AFF3: variants seen among roughly 807,000 people sequenced by gnomAD.
AFF3 encodes the protein ALF transcription elongation factor 3, also known as AF4/FMR2 family member 3.
A neutral mutation model predicts 129.7 loss-of-function variants in AFF3; 32 were observed. That is an observed-to-expected ratio of 0.25 (90% CI 0.19 to 0.33). AFF3 has a LOEUF of 0.33. AFF3 is among the 10% of genes least tolerant of loss of function. The pLI is 1.00. For missense variants in AFF3, 1,373 were observed against 1,592.0 expected, an observed-to-expected ratio of 0.86 and a Z score of 2.34; for synonymous variants, 644 against 635.4, an observed-to-expected ratio of 1.01 and a Z score of -0.20.
rs112232937 is a variant in AFF3, at chr2:99,761,222, C to T, written c.922-8921G>A. Among the ~76,000 whole-genome samples the T allele has an allele frequency of 1.1e-3, 169 of 148,988 alleles. 1 individual carries two copies. Among genetic ancestry groups the T allele is most frequent in the African/African-American group, 4.1e-3 (162 of 39,686 alleles). ...TTTGTATAGGCTTATAATGCCAAGA[C>T]TCTTTATATTAAATATACTCACTTT... On this transcript the variant is annotated intron_variant, in intron 8 of 24. Transcript: ENST00000672756.
Position 100,004,232 on chromosome 2 carries a change from A to C in AFF3, c.873+2400T>G, listed in dbSNP as rs568721589. 2.0e-5 allele frequency among the ~76,000 whole-genome samples: 3 copies of C among 152,276 alleles called. No homozygotes were observed. In the South Asian group the frequency reaches 6.2e-4, roughly 32 times the overall value. ...ATTTTCTTTGGAAATTTCCCTAAAA[A>C]ACCCTTCTCTACCTCACTGGAAGTT... On this transcript the variant is annotated intron_variant, in intron 7 of 24. Coordinates refer to ENST00000672756, the MANE Select transcript of AFF3 (RefSeq NM_001386135.1).
chr2:99,700,408 C>T (rs955431247), intron 11 of AFF3, among the ~76,000 whole-genome samples: 4 of 152,190 alleles, frequency 2.6e-5, no homozygotes, highest in Admixed American at 6.5e-5. Context: ...CGTGAGCCAC[C>T]GTGCCTGGCC....
intron 7 of AFF3, among the ~76,000 whole-genome samples, chr2:99,870,635 C>A (rs1013046345): frequency 1.3e-5 from 2 of 152,214 alleles, no homozygotes; most frequent in Non-Finnish European, 2.9e-5. Context: ...GGCCAGCAGG[C>A]CCCCTGGCAG....
At chr2:99,577,163 C>T (rs1304909376) in intron 18 of AFF3, among the ~76,000 whole-genome samples, 1 of 152,162 alleles carries the variant, frequency 6.6e-6, no homozygotes, top group East Asian at 1.9e-4. Context: ...AACCCTGTGC[C>T]CTAATTAGCT....
intron 13 of AFF3, among the ~76,000 whole-genome samples, chr2:99,620,082 T>C (rs551682224): frequency 6.6e-6 from 1 of 152,162 alleles, no homozygotes; most frequent in Non-Finnish European, 1.5e-5. Context: ...AATGGGATCC[T>C]GGGTATTCCA....
At chr2:99,626,331 T>C (rs112508884) in intron 13 of AFF3, among the ~76,000 whole-genome samples, 59 of 125,714 alleles carry the variant, frequency 4.7e-4, no homozygotes, top group African/African-American at 1.4e-3. Context: ...CCTTCCTTCC[T>C]TCCCTCCTCT....
At chr2:100,006,456 G>T in intron 7 of AFF3, 176 bp downstream of exon 7, 1 of 739,968 alleles carries the variant, frequency 1.4e-6, no homozygotes, top group East Asian at 2.8e-5. Context: ...ATAAATTTGA[G>T]ATTTTAAGAA....
chr2:100,015,039 C>A (rs1682895791), intron 4 of AFF3, among the ~76,000 whole-genome samples: 1 of 149,868 alleles, frequency 6.7e-6, no homozygotes, highest in African/African-American at 2.5e-5. Flanking sequence ...CTCCTGACCT[C>A]ATGATCCGCC....
chr2:99,744,463 C>T (rs1176005689), intron 9 of AFF3, among the ~76,000 whole-genome samples: 2 of 152,188 alleles, frequency 1.3e-5, no homozygotes, highest in African/African-American at 4.8e-5. Flanking sequence ...TGTGCAACCA[C>T]TACCTCTATC....
intron 7 of AFF3, among the ~76,000 whole-genome samples, chr2:99,839,677 T>C (rs1272867873): frequency 1.3e-5 from 2 of 151,762 alleles, no homozygotes; most frequent in African/African-American, 2.4e-5. Context: ...AGTGGCGCGA[T>C]ATTGGCTCAC....
chr2:99,933,385 T>C (rs937518490), intron 7 of AFF3, among the ~76,000 whole-genome samples: 10 of 152,148 alleles, frequency 6.6e-5, no homozygotes, highest in East Asian at 5.8e-4. Flanking sequence ...GTTTGTTACA[T>C]AGGTATACGT....
intron 8 of AFF3, among the ~76,000 whole-genome samples, chr2:99,811,111 T>G (rs909545636): frequency 2.4e-4 from 36 of 152,236 alleles, no homozygotes; most frequent in African/African-American, 8.0e-4. Flanking sequence ...GGGAGGGACG[T>G]GCTTTTCTGC....
At chr2:100,009,001 T>C in intron 4 of AFF3, 69 bp from the exon 5 acceptor site, 1 of 1,571,350 alleles carries the variant, frequency 6.4e-7, no homozygotes, top group South Asian at 1.2e-5. Flanking sequence ...ATGTAACACT[T>C]GTGTGAGTGC....
intron 19 of AFF3, 116 bp from the exon 20 acceptor site, chr2:99,565,739 G>C (rs1575369612): frequency 9.0e-7 from 1 of 1,113,878 alleles, no homozygotes; most frequent in East Asian, 2.4e-5. Flanking sequence ...AAAATCCTAT[G>C]AAGCTGAGAG....
chr2:99,788,119 A>G (rs1255727428), intron 8 of AFF3, among the ~76,000 whole-genome samples: 1 of 152,244 alleles, frequency 6.6e-6, no homozygotes, highest in Non-Finnish European at 1.5e-5. Context: ...AGTATGGCAC[A>G]TACAAAATTA....
chr2:100,005,712 CGGTGATATGT>C (rs1272172820), intron 7 of AFF3, among the ~76,000 whole-genome samples: 7 of 152,170 alleles, frequency 4.6e-5, no homozygotes, highest in African/African-American at 1.7e-4. Context: ...CTTTTCTAAA[CGGTGATATGT>C]TGATATCCCT....
At chr2:99,624,838 T>C (rs1246882611) in intron 13 of AFF3, among the ~76,000 whole-genome samples, 1 of 152,216 alleles carries the variant, frequency 6.6e-6, no homozygotes, top group Admixed American at 6.5e-5. Flanking sequence ...GGCAGTCTCG[T>C]GTCTGCCCTC....
intron 18 of AFF3, among the ~76,000 whole-genome samples, chr2:99,577,273 G>C (rs1677084669): frequency 6.6e-6 from 1 of 152,130 alleles, no homozygotes; most frequent in Non-Finnish European, 1.5e-5. Flanking sequence ...GAGACTCCGG[G>C]TGGCAGTTAG....
At chr2:99,589,823 T>C (rs969706788) in intron 15 of AFF3, among the ~76,000 whole-genome samples, 2 of 152,166 alleles carry the variant, frequency 1.3e-5, no homozygotes, top group African/African-American at 4.8e-5. Flanking sequence ...ATGAAAACGC[T>C]GGGCCCTTTG....
Sources: gnomAD v4.1 joint callset for allele counts (sites outside exome capture counted in the v4.1 genomes callset) on GRCh38, gnomAD v4.1.1 for gene constraint, MANE v1.5 for transcripts, NCBI Gene and HGNC (gene_info 2026-07-23, HGNC 2026-07-21) for gene names.